EHMT1: variants seen among roughly 807,000 people sequenced by gnomAD.
The protein encoded by EHMT1 is histone-lysine N-methyltransferase EHMT1.
EHMT1 carries 15 observed loss-of-function variants against 147.2 expected under a neutral mutation model. The ratio of observed to expected loss-of-function variants is 0.10; its 90% CI spans 0.07 to 0.16. The LOEUF (loss-of-function observed/expected upper bound fraction) is 0.16, where lower values mean the gene tolerates loss of function less well. EHMT1 is among the 10% of genes least tolerant of loss of function. The pLI is 1.00. For missense variants in EHMT1, 1,587 were observed against 1,772.4 expected, an observed-to-expected ratio of 0.90 and a Z score of 1.88; for synonymous variants, 795 against 709.6, an observed-to-expected ratio of 1.12 and a Z score of -1.91.
intron 4 of EHMT1, among the ~76,000 whole-genome samples, chr9:137,733,734 A>G (rs921536213): frequency 5.9e-5 from 9 of 152,230 alleles, no homozygotes; most frequent in African/African-American, 1.9e-4. Context: ...CTAAAGGGCC[A>G]GTGCTCTTTT....
At chr9:137,635,318 T>C (rs575722490) in intron 1 of EHMT1, among the ~76,000 whole-genome samples, 15 of 151,688 alleles carry the variant, frequency 9.9e-5, no homozygotes, top group African/African-American at 3.6e-4. Context: ...GCCATTCTCC[T>C]GCCTAAGCCT....
At chr9:137,678,406 A>G (rs1490337307) in intron 1 of EHMT1, among the ~76,000 whole-genome samples, 2 of 152,294 alleles carry the variant, frequency 1.3e-5, no homozygotes, top group African/African-American at 4.8e-5. Flanking sequence ...ATCCTTTATC[A>G]GGTTGAACTT....
At chr9:137,760,538 G>A (rs573179057) in intron 9 of EHMT1, among the ~76,000 whole-genome samples, 1 of 152,350 alleles carries the variant, frequency 6.6e-6, no homozygotes, top group East Asian at 1.9e-4. Flanking sequence ...ACCTCGGGCA[G>A]CACATGATTA....
At chr9:137,672,671 G>A (rs371287646) in intron 1 of EHMT1, among the ~76,000 whole-genome samples, 26 of 152,234 alleles carry the variant, frequency 1.7e-4, no homozygotes, top group African/African-American at 6.3e-4. Flanking sequence ...TCTGCCTCTC[G>A]TAGAGCTGAC....
chr9:137,751,047 AC>A, intron 6 of EHMT1, among the ~76,000 whole-genome samples: 1 of 152,332 alleles, frequency 6.6e-6, no homozygotes, highest in African/African-American at 2.4e-5. Flanking sequence ...AAACCACTGA[AC>A]CGTACACTTT....
At chr9:137,697,398 G>A (rs1369150935) in intron 1 of EHMT1, among the ~76,000 whole-genome samples, 1 of 152,210 alleles carries the variant, frequency 6.6e-6, no homozygotes, top group Non-Finnish European at 1.5e-5. Context: ...GAGCTCATTT[G>A]CCCTGAGGGA....
intron 1 of EHMT1, among the ~76,000 whole-genome samples, chr9:137,635,495 A>G (rs192024136): frequency 1.2e-3 from 184 of 149,274 alleles, no homozygotes; most frequent in East Asian, 7.0e-3. Flanking sequence ...GATTACAGGC[A>G]TGAACCACTG....
At chr9:137,758,045 A>G in intron 9 of EHMT1, 34 bp downstream of exon 9, 1 of 1,613,774 alleles carries the variant, frequency 6.2e-7, no homozygotes, top group Non-Finnish European at 8.5e-7. Context: ...ACCGGGCACC[A>G]TCTTGGTCCT....
At chr9:137,686,217 T>A (rs187071095) in intron 1 of EHMT1, among the ~76,000 whole-genome samples, 1 of 141,500 alleles carries the variant, frequency 7.1e-6, no homozygotes, top group African/African-American at 2.6e-5. Flanking sequence ...TTTGATGACG[T>A]CCAATTTATC....
chr9:137,820,867 G>GTTTGTTTTGT (rs57434137), intron 25 of EHMT1, among the ~76,000 whole-genome samples: 1 of 151,048 alleles, frequency 6.6e-6, no homozygotes, highest in African/African-American at 2.5e-5. Flanking sequence ...CACCTTAGAG[G>GTTTGTTTTGT]TTTGTTTTGT....
chr9:137,790,808 G>A lies in EHMT1; in HGVS notation c.2383-40G>A, dbSNP rs747406764. The A allele has an allele frequency of 1.7e-5, 28 of 1,613,948 alleles. 1 individual carries two copies. Among genetic ancestry groups the A allele is most frequent in the South Asian group, 6.6e-5 (6 of 91,068 alleles). ...CACTTCTCCCCAGGCGGTGGCTACC[G>A]TCACAGCCCTCCCATACACCTGAAC... On this transcript the variant is annotated intron_variant, in intron 15 of 26. Coordinates refer to ENST00000460843, the MANE Select transcript of EHMT1 (RefSeq NM_024757.5).
chr9:137,658,934 TC>T (rs1938774823), intron 1 of EHMT1, among the ~76,000 whole-genome samples: 2 of 152,270 alleles, frequency 1.3e-5, no homozygotes, highest in South Asian at 4.1e-4. Context: ...CAGGAACACT[TC>T]TGTGGTTGTC....
intron 8 of EHMT1, among the ~76,000 whole-genome samples, chr9:137,756,074 A>G (rs1949353950): frequency 6.6e-6 from 1 of 152,168 alleles, no homozygotes; most frequent in Admixed American, 6.5e-5. Flanking sequence ...GTTACGAGTT[A>G]TTTTACTTGG....
At chr9:137,684,858 A>C (rs1173271766) in intron 1 of EHMT1, among the ~76,000 whole-genome samples, 1 of 152,202 alleles carries the variant, frequency 6.6e-6, no homozygotes, top group Non-Finnish European at 1.5e-5. Flanking sequence ...ATGTATGTTT[A>C]AAATATATAT....
intron 1 of EHMT1, chr9:137,638,293 G>A (rs971977669): frequency 6.6e-6 from 1 of 151,962 alleles, no homozygotes; most frequent in African/African-American, 2.4e-5. Context: ...TGCATTTTTA[G>A]GAGACGGAGT....
rs35445261 is a variant in EHMT1 at position 137,714,555 on chromosome 9, ATTTTTTTTTTTT to A, written c.86-2059_86-2048del. 1.1e-4 allele frequency among the ~76,000 whole-genome samples: 9 copies of A among 84,218 alleles called. No individual in the cohort carries two copies. In the Admixed American group the frequency reaches 1.3e-3, roughly 12 times the overall value. 55.3% of individuals were successfully genotyped at this position (84,218 alleles called of 152,430 possible). A position where few individuals can be genotyped will look rare whatever the true frequency, so the allele number is the denominator to read the frequency against. ...GTGCGGAGCTGGATTCAGTTTGCTC[ATTTTTTTTTTTT>A]TTTTTTTTTTTAATGAGACCTGTCA... On this transcript the variant is annotated intron_variant, in intron 2 of 26. Coordinates refer to ENST00000460843, the MANE Select transcript of EHMT1 (RefSeq NM_024757.5).
chr9:137,734,697 A>C (rs1167863944), intron 4 of EHMT1, among the ~76,000 whole-genome samples: 1 of 152,250 alleles, frequency 6.6e-6, no homozygotes, highest in African/African-American at 2.4e-5. Flanking sequence ...GAATCTTGAA[A>C]GCAGATGAGA....
chr9:137,652,542 C>T (rs1455838833), intron 1 of EHMT1, among the ~76,000 whole-genome samples: 2 of 151,872 alleles, frequency 1.3e-5, no homozygotes, highest in Non-Finnish European at 2.9e-5. Context: ...TGCACCACCA[C>T]GCCCAGCTAG....
rs1338510411 is a variant in EHMT1 at position 137,666,431 on chromosome 9, TCTC to T, written c.22-44533_22-44531del. 2.0e-4 allele frequency among the ~76,000 whole-genome samples: 31 copies of T among 152,354 alleles called. 1 individual carries two copies. The highest frequency in any genetic ancestry group is 7.5e-4 in the African/African-American group (31 of 41,588). On this transcript the variant is annotated intron_variant, in intron 1 of 26. Coordinates refer to ENST00000460843, the MANE Select transcript of EHMT1 (RefSeq NM_024757.5). ...GACTAGCAGTGTTTTCCTGTTTTAT[TCTC>T]CTACCTGCCCCCATGGCAGCCTCAG... is the stretch of plus-strand genomic sequence containing the variant.
Sources: gnomAD v4.1 joint callset for allele counts (sites outside exome capture counted in the v4.1 genomes callset) on GRCh38, gnomAD v4.1.1 for gene constraint, MANE v1.5 for transcripts, NCBI Gene and HGNC (gene_info 2026-07-23, HGNC 2026-07-21) for gene names.